The following NDUFAF6 variants were observed in gnomAD, a reference collection of about 807,000 sequenced individuals.
NDUFAF6 encodes NADH dehydrogenase (ubiquinone) complex I, assembly factor 6.
In NDUFAF6, 45 loss-of-function variants were observed where a neutral mutation model predicts 40.8. The observed-to-expected ratio is 1.10, with a 90% CI of 0.87 to 1.42. The LOEUF is 1.42. Ranked by LOEUF, NDUFAF6 falls within the 40% of genes most tolerant of loss-of-function variation. NDUFAF6 has a pLI of 0.00. For missense variants in NDUFAF6, 435 were observed against 418.5 expected, an observed-to-expected ratio of 1.04 and a Z score of -0.34; for synonymous variants, 185 against 155.9, an observed-to-expected ratio of 1.19 and a Z score of -1.39.
chr8:95,041,202 A>G (rs1830108135), intron 3 of NDUFAF6, among the ~76,000 whole-genome samples: 11 of 152,180 alleles, frequency 7.2e-5, no homozygotes, highest in Admixed American at 7.2e-4. Context: ...CAACATAGGG[A>G]GACCCTGTCT....
At chr8:94,973,548 C>A (rs13265518) in intron 1 of NDUFAF6, among the ~76,000 whole-genome samples, 107,694 of 151,826 alleles carry the variant, frequency 0.71, 38,344 homozygotes, top group East Asian at 0.78. Flanking sequence ...CTCTACTAAA[C>A]ATACAAAAAA....
chr8:94,921,540 A>T (rs1164411331), intron 1 of NDUFAF6, among the ~76,000 whole-genome samples: 1 of 152,210 alleles, frequency 6.6e-6, no homozygotes, highest in Non-Finnish European at 1.5e-5. Flanking sequence ...ATCAGAAGGG[A>T]AATGGATGCA....
chr8:95,043,963 T>C (rs558542205), intron 4 of NDUFAF6, among the ~76,000 whole-genome samples: 50 of 152,334 alleles, frequency 3.3e-4, no homozygotes, highest in African/African-American at 1.1e-3. Context: ...ACATTATTCA[T>C]GAAAGCCCGA....
chr8:94,930,562 G>C, intron 1 of NDUFAF6: 1 of 1,614,242 alleles, frequency 6.2e-7, no homozygotes, highest in Non-Finnish European at 8.5e-7. Flanking sequence ...TCCCTGGTAA[G>C]ATTTTGGCGA....
At chr8:94,938,862 C>T (rs1250746890) in intron 1 of NDUFAF6, among the ~76,000 whole-genome samples, 3 of 152,202 alleles carry the variant, frequency 2.0e-5, no homozygotes, top group African/African-American at 7.2e-5. Flanking sequence ...CACCAGTTTA[C>T]AGCTGGTTGG....
intron 2 of NDUFAF6, among the ~76,000 whole-genome samples, chr8:94,952,518 T>C (rs1822709499): frequency 6.6e-6 from 1 of 152,246 alleles, no homozygotes; most frequent in South Asian, 2.1e-4. Context: ...AATTGCATTT[T>C]AGATAAACAA....
At chr8:95,091,513 C>T (rs575759940) in intron 2 of NDUFAF6, among the ~76,000 whole-genome samples, 1 of 152,066 alleles carries the variant, frequency 6.6e-6, no homozygotes, top group South Asian at 2.1e-4. Flanking sequence ...CTAACCATAT[C>T]ACCCGCCATG....
intron 2 of NDUFAF6, among the ~76,000 whole-genome samples, chr8:95,016,319 A>G (rs1827444037): frequency 6.6e-6 from 1 of 152,250 alleles, no homozygotes; most frequent in East Asian, 1.9e-4. Flanking sequence ...GGATGAAATG[A>G]GTTAGAAAGA....
chr8:95,019,537 A>G (rs1827604620), intron 2 of NDUFAF6, among the ~76,000 whole-genome samples: 1 of 152,196 alleles, frequency 6.6e-6, no homozygotes, highest in African/African-American at 2.4e-5. Context: ...AGAATGGCTG[A>G]TGGTCCATTT....
intron 1 of NDUFAF6, among the ~76,000 whole-genome samples, chr8:94,917,191 T>TAGA (rs1819198899): frequency 6.6e-6 from 1 of 151,974 alleles, no homozygotes; most frequent in Admixed American, 6.6e-5. Context: ...TACGTTAACG[T>TAGA]AGAAGGTTCT....
chr8:95,111,315 A>G (rs1809994349), intron 4 of NDUFAF6, among the ~76,000 whole-genome samples: 1 of 152,246 alleles, frequency 6.6e-6, no homozygotes, highest in Non-Finnish European at 1.5e-5. Flanking sequence ...TGCCAGATGC[A>G]CAGACAAGTT....
chr8:94,976,333 G>A (rs927857356), intron 1 of NDUFAF6, among the ~76,000 whole-genome samples: 4 of 151,884 alleles, frequency 2.6e-5, no homozygotes, highest in Non-Finnish European at 4.4e-5. Context: ...GTGAAACCCC[G>A]TCTCTACTAA....
At chr8:95,037,453 C>T (rs192253933) in intron 3 of NDUFAF6, among the ~76,000 whole-genome samples, 37 of 152,204 alleles carry the variant, frequency 2.4e-4, no homozygotes, top group East Asian at 1.9e-4. Flanking sequence ...CAAACATGCC[C>T]ATCGGCCCAG....
chr8:95,054,507 T>C (rs1352334632), intron 8 of NDUFAF6, among the ~76,000 whole-genome samples: 4 of 151,206 alleles, frequency 2.6e-5, no homozygotes, highest in Non-Finnish European at 5.9e-5. Context: ...TGATCTCGGC[T>C]CACTGCAGCC....
In NDUFAF6 at chr8:95,012,764, C is replaced by T. The variant is rs1032885492; in HGVS notation, c.-83-19231C>T. On this transcript the variant is annotated intron_variant, in intron 2 of 9. Coordinates refer to the NDUFAF6 transcript ENST00000396111. The stretch of plus-strand genomic sequence containing the variant: ...GCTTGAGCATGAGAGGTAGAGGCTG[C>T]AATAAGTTATGATCGCGCCACTGCA... Among the ~76,000 whole-genome samples the T allele has an allele frequency of 5.9e-5, 9 of 152,034 alleles. 1 individual carries two copies. Among genetic ancestry groups the T allele is most frequent in the Admixed American group, 6.6e-5 (1 of 15,258 alleles).
At chr8:95,087,893 GC>G (rs1201339478) in intron 2 of NDUFAF6, 1 of 152,308 alleles carries the variant, frequency 6.6e-6, no homozygotes, top group Non-Finnish European at 1.5e-5. Context: ...TACAATTACA[GC>G]GAAATTACCA....
chr8:94,977,598 TTCTCTC>T (rs34370955), intron 1 of NDUFAF6, among the ~76,000 whole-genome samples: 5 of 149,338 alleles, frequency 3.3e-5, no homozygotes, highest in Non-Finnish European at 5.9e-5. Flanking sequence ...CCCTGCTGGG[TTCTCTC>T]TCTCTCTCTC....
chr8:95,001,846 T>C (rs1826751225), intron 2 of NDUFAF6, among the ~76,000 whole-genome samples: 2 of 152,244 alleles, frequency 1.3e-5, no homozygotes, highest in African/African-American at 4.8e-5. Context: ...TGCAGATTTC[T>C]GTGTGAGGAG....
intron 1 of NDUFAF6, among the ~76,000 whole-genome samples, chr8:94,903,157 C>A (rs1818137547): frequency 6.6e-6 from 1 of 151,954 alleles, no homozygotes; most frequent in Non-Finnish European, 1.5e-5. Flanking sequence ...ATCGATTGAG[C>A]CTAGGAGTTC....
Sources: allele counts gnomAD v4.1 joint callset (sites outside exome capture counted in the v4.1 genomes callset), GRCh38; gene constraint gnomAD v4.1.1; transcripts MANE v1.5; gene names NCBI Gene and HGNC (gene_info 2026-07-23, HGNC 2026-07-21).